Variants in NEGR1 observed in about 807,000 individuals in gnomAD.
NEGR1 encodes the protein neuronal growth regulator 1.
In NEGR1, 10 loss-of-function variants were observed where a neutral mutation model predicts 40.9. That is an observed-to-expected ratio of 0.24 (90% CI 0.15 to 0.42). The LOEUF (loss-of-function observed/expected upper bound fraction) is 0.42, where lower values mean the gene tolerates loss of function less well. Among genes scored for constraint, NEGR1 ranks in the 10% least tolerant of loss-of-function variants. The pLI is 1.00. For synonymous variants in NEGR1, 185 were observed against 166.8 expected (o/e 1.11, Z -0.84); for missense variants, 352 against 438.9 (o/e 0.80, Z 1.77).
At chr1:72,253,566 G>T (rs1655172154) in intron 1 of NEGR1, among the ~76,000 whole-genome samples, 1 of 152,038 alleles carries the variant, frequency 6.6e-6, no homozygotes, top group Non-Finnish European at 1.5e-5. Flanking sequence ...GAAAGAAACA[G>T]GAAAATAAGC....
chr1:72,138,904 T>C (rs1473493702), intron 1 of NEGR1, among the ~76,000 whole-genome samples: 1 of 152,000 alleles, frequency 6.6e-6, no homozygotes, highest in Non-Finnish European at 1.5e-5. Context: ...CTGTACATTC[T>C]TTCAAGTACA....
intron 1 of NEGR1, among the ~76,000 whole-genome samples, chr1:72,083,464 T>G (rs1648084790): frequency 6.6e-6 from 1 of 152,130 alleles, no homozygotes; most frequent in Non-Finnish European, 1.5e-5. Flanking sequence ...GCTTAAGTGT[T>G]TATCCTGCTT....
At chr1:72,266,719 AGAT>A (rs1041475374) in intron 1 of NEGR1, among the ~76,000 whole-genome samples, 15 of 105,234 alleles carry the variant, frequency 1.4e-4, no homozygotes, top group Admixed American at 1.0e-3. Flanking sequence ...ATATATAGAC[AGAT>A]AAACACACAC....
At chr1:71,447,760 C>T (rs1319045046) in intron 6 of NEGR1, among the ~76,000 whole-genome samples, 2 of 152,170 alleles carry the variant, frequency 1.3e-5, no homozygotes, top group South Asian at 2.1e-4. Context: ...CTTTCTTCAT[C>T]GTCGTGTTCA....
At chr1:71,727,796 C>T (rs954085569) in intron 3 of NEGR1, among the ~76,000 whole-genome samples, 1 of 152,086 alleles carries the variant, frequency 6.6e-6, no homozygotes, top group Non-Finnish European at 1.5e-5. Context: ...CGATCTTATT[C>T]CACATGTGGT....
At chr1:71,451,304 C>G (rs951044467) in intron 6 of NEGR1, among the ~76,000 whole-genome samples, 11 of 150,640 alleles carry the variant, frequency 7.3e-5, no homozygotes, top group Non-Finnish European at 1.0e-4. Context: ...AGAACCAGTG[C>G]AACTGAGAGG....
At chr1:72,076,517 C>T (rs540428999) in intron 1 of NEGR1, among the ~76,000 whole-genome samples, 5 of 146,870 alleles carry the variant, frequency 3.4e-5, no homozygotes, top group Non-Finnish European at 7.5e-5. Context: ...CCCCACCCCC[C>T]CTGCCTCACC....
intron 1 of NEGR1, among the ~76,000 whole-genome samples, chr1:71,943,333 C>A (rs1481889979): frequency 6.7e-6 from 1 of 150,062 alleles, no homozygotes; most frequent in Non-Finnish European, 1.5e-5. Flanking sequence ...GAACTTAGAG[C>A]CATTTATATA....
intron 2 of NEGR1, among the ~76,000 whole-genome samples, chr1:71,785,440 A>C (rs1011378783): frequency 6.7e-6 from 1 of 149,868 alleles, no homozygotes; most frequent in African/African-American, 2.5e-5. Flanking sequence ...ATTAATAATG[A>C]GGTTTTTTTT....
chr1:71,983,424 T>A (rs1410429644), intron 1 of NEGR1, among the ~76,000 whole-genome samples: 1 of 152,118 alleles, frequency 6.6e-6, no homozygotes, highest in African/African-American at 2.4e-5. Context: ...CAAACTCAAA[T>A]AAAATAGAAT....
chr1:72,026,644 A>G lies in NEGR1; in HGVS notation c.177-91333T>C. On this transcript the variant is annotated intron_variant, in intron 1 of 6. Coordinates refer to ENST00000357731, the MANE Select transcript of NEGR1 (RefSeq NM_173808.3). ...CTTCTGACCCTCTCTCTCTCCTGAA[A>G]TAGCCCTGGAAATGGCCACCAACTG... Among the ~76,000 whole-genome samples, 2 of 152,072 alleles carry G rather than the reference A, an allele frequency of 1.3e-5. 1 individual carries two copies. The highest frequency in any genetic ancestry group is 2.9e-5 in the Non-Finnish European group (2 of 68,012).
chr1:71,747,726 G>T (rs904144744), intron 3 of NEGR1, among the ~76,000 whole-genome samples: 1 of 151,878 alleles, frequency 6.6e-6, no homozygotes, highest in South Asian at 2.1e-4. Flanking sequence ...CGCCCAGTCC[G>T]TTTTCATATA....
At chr1:71,485,471 G>A (rs1375598337) in intron 6 of NEGR1, among the ~76,000 whole-genome samples, 3 of 151,404 alleles carry the variant, frequency 2.0e-5, no homozygotes, top group Non-Finnish European at 4.4e-5. Context: ...TTATATTAGG[G>A]TTCGCTCTTG....
chr1:71,704,160 C>T (rs1048786627), intron 3 of NEGR1, among the ~76,000 whole-genome samples: 1 of 132,106 alleles, frequency 7.6e-6, no homozygotes, highest in Non-Finnish European at 1.6e-5. Flanking sequence ...CTCTCTCTCT[C>T]TGTCACACAC....
chr1:72,089,491 T>G (rs1648377274), intron 1 of NEGR1, among the ~76,000 whole-genome samples: 1 of 152,186 alleles, frequency 6.6e-6, no homozygotes, highest in Non-Finnish European at 1.5e-5. Flanking sequence ...ATTGATTAAT[T>G]CGTATAAAGT....
At chr1:72,073,244 A>C (rs962617435) in intron 1 of NEGR1, among the ~76,000 whole-genome samples, 3 of 152,186 alleles carry the variant, frequency 2.0e-5, no homozygotes, top group Middle Eastern at 6.8e-3. Context: ...ATAGATGAAG[A>C]CTTTCACAGA....
At chr1:71,443,937 T>TA (rs1423407144) in intron 6 of NEGR1, among the ~76,000 whole-genome samples, 1 of 152,178 alleles carries the variant, frequency 6.6e-6, no homozygotes, top group African/African-American at 2.4e-5. Flanking sequence ...ATTTACATTG[T>TA]AAAGAATTGT....
intron 6 of NEGR1, among the ~76,000 whole-genome samples, chr1:71,457,009 G>A (rs1646677404): frequency 6.6e-6 from 1 of 152,060 alleles, no homozygotes; most frequent in Non-Finnish European, 1.5e-5. Flanking sequence ...TGTTGCTTCC[G>A]GGATTGGTGT....
rs372481368 is a variant in NEGR1 at position 71,425,085 on chromosome 1, A to C, written c.941-17515T>G. Among the ~76,000 whole-genome samples, 2 of 152,174 alleles carry C rather than the reference A, an allele frequency of 1.3e-5. 1 individual carries two copies. The highest frequency in any genetic ancestry group is 3.9e-4 in the East Asian group (2 of 5,192). On this transcript the variant is annotated intron_variant, in intron 6 of 6. Coordinates refer to ENST00000357731, the MANE Select transcript of NEGR1 (RefSeq NM_173808.3). Reference sequence around the variant, plus strand: ...CCACATAAACTGTGGAAAGGCAGGAAGGGTTAAAGGGACAAAAGTTAGAAA... The same window carrying C: ...CCACATAAACTGTGGAAAGGCAGGACGGGTTAAAGGGACAAAAGTTAGAAA...
Sources: allele counts gnomAD v4.1 joint callset (sites outside exome capture counted in the v4.1 genomes callset), GRCh38; gene constraint gnomAD v4.1.1; transcripts MANE v1.5; gene names NCBI Gene and HGNC (gene_info 2026-07-23, HGNC 2026-07-21).